The following GARNL3 variants were observed in gnomAD, a reference collection of about 807,000 sequenced individuals.
GARNL3 encodes GTPase-activating Rap/Ran-GAP domain-like protein 3.
Under a neutral mutation model 125.0 loss-of-function variants are expected in GARNL3, and 63 were observed. The observed-to-expected ratio is 0.50, with a 90% CI of 0.41 to 0.62. GARNL3 has a LOEUF of 0.62. Ranked by LOEUF, GARNL3 falls within the 20% of genes least tolerant of loss-of-function variation. The pLI is 0.00. For missense variants in GARNL3, 994 were observed against 1,244.0 expected, an observed-to-expected ratio of 0.80 and a Z score of 3.02; for synonymous variants, 439 against 457.5, an observed-to-expected ratio of 0.96 and a Z score of 0.52.
intron 1 of GARNL3, among the ~76,000 whole-genome samples, chr9:127,287,035 A>C (rs1220666007): frequency 3.3e-5 from 5 of 152,182 alleles, no homozygotes; most frequent in Non-Finnish European, 4.4e-5. Flanking sequence ...GTGGAGAAGG[A>C]AAAAGTGCAT....
intron 1 of GARNL3, among the ~76,000 whole-genome samples, chr9:127,286,982 A>G (rs1247003817): frequency 1.3e-5 from 2 of 152,174 alleles, no homozygotes; most frequent in South Asian, 2.1e-4. Context: ...TGCTGTCTTC[A>G]ACATGAATTT....
chr9:127,319,883 C>G (rs1004779481), intron 5 of GARNL3, among the ~76,000 whole-genome samples: 1 of 152,176 alleles, frequency 6.6e-6, no homozygotes, highest in African/African-American at 2.4e-5. Flanking sequence ...TCAGTATACC[C>G]TCATAGCTGG....
intron 12 of GARNL3, 115 bp downstream of exon 12, chr9:127,338,276 C>A: frequency 1.2e-6 from 1 of 829,728 alleles, no homozygotes; most frequent in Non-Finnish European, 2.0e-6. Flanking sequence ...ATATGAGTGC[C>A]TGCACCTTAC....
At chr9:127,341,523 C>G (rs990065750) in intron 13 of GARNL3, among the ~76,000 whole-genome samples, 7 of 152,168 alleles carry the variant, frequency 4.6e-5, no homozygotes, top group African/African-American at 1.7e-4. Flanking sequence ...GAGGATCAGA[C>G]AGAGAGCAAG....
intron 1 of GARNL3, among the ~76,000 whole-genome samples, chr9:127,233,709 G>A (rs1157372977): frequency 5.3e-5 from 8 of 152,208 alleles, no homozygotes; most frequent in African/African-American, 1.4e-4. Flanking sequence ...GTGCATGGTG[G>A]TTTCCTTATT....
chr9:127,234,811 A>C (rs1564838026), intron 1 of GARNL3, among the ~76,000 whole-genome samples: 1 of 152,196 alleles, frequency 6.6e-6, no homozygotes, highest in Non-Finnish European at 1.5e-5. Context: ...AAGGTGAATA[A>C]GCTCTCTTGG....
At chr9:127,287,323 C>T (rs1292870516) in intron 1 of GARNL3, among the ~76,000 whole-genome samples, 1 of 152,078 alleles carries the variant, frequency 6.6e-6, no homozygotes, top group Non-Finnish European at 1.5e-5. Context: ...TTGTGTCATT[C>T]CTGAGCCAAA....
intron 22 of GARNL3, among the ~76,000 whole-genome samples, chr9:127,377,792 C>CAAAAAA (rs56965235): frequency 1.5e-5 from 1 of 67,490 alleles, no homozygotes; most frequent in Non-Finnish European, 3.1e-5. Flanking sequence ...GACTCCGTCT[C>CAAAAAA]AAAAAAAAAA....
At chr9:127,316,312 C>A (rs2065238780) in intron 4 of GARNL3, among the ~76,000 whole-genome samples, 1 of 151,926 alleles carries the variant, frequency 6.6e-6, no homozygotes, top group South Asian at 2.1e-4. Flanking sequence ...GAGGTCAAGG[C>A]AGAAGGATTG....
intron 7 of GARNL3, among the ~76,000 whole-genome samples, chr9:127,328,763 A>G (rs755727657): frequency 6.6e-6 from 1 of 152,244 alleles, no homozygotes; most frequent in Non-Finnish European, 1.5e-5. Flanking sequence ...CAGAAGAACT[A>G]TAATTCATAG....
intron 1 of GARNL3, among the ~76,000 whole-genome samples, chr9:127,279,024 T>G (rs1159225432): frequency 6.6e-6 from 1 of 152,112 alleles, no homozygotes; most frequent in Non-Finnish European, 1.5e-5. Context: ...AAAGACCCCA[T>G]TTGCAAATAA....
intron 1 of GARNL3, among the ~76,000 whole-genome samples, chr9:127,230,618 A>C (rs2062983288): frequency 6.7e-6 from 1 of 150,014 alleles, no homozygotes. Flanking sequence ...GCACCATTGC[A>C]CTCCAGCCTG....
At chr9:127,365,106 C>G in intron 21 of GARNL3, 194 bp from the exon 22 acceptor site, 9 of 503,344 alleles carry the variant, frequency 1.8e-5, no homozygotes, top group Non-Finnish European at 1.1e-5. Flanking sequence ...TTTTTCTTTT[C>G]TTTTCTTTCT....
chr9:127,329,927 C>T (rs1416748004), intron 7 of GARNL3, among the ~76,000 whole-genome samples: 2 of 152,124 alleles, frequency 1.3e-5, no homozygotes, highest in Admixed American at 1.3e-4. Context: ...TGACCTAGTC[C>T]TTCTTGCTAG....
At chr9:127,391,898 T>C (rs1474872558) in intron 27 of GARNL3, among the ~76,000 whole-genome samples, 2 of 152,128 alleles carry the variant, frequency 1.3e-5, no homozygotes, top group Non-Finnish European at 2.9e-5. Flanking sequence ...TCACACGTGC[T>C]CCAGTGTGGG....
rs59742421 is a variant in GARNL3 at position 127,295,726 on chromosome 9, C to CT, written c.219+4496dup. 1.0e-2 allele frequency among the ~76,000 whole-genome samples: 1,468 copies of CT among 146,896 alleles called. 29 individuals are homozygous for CT. The highest frequency in any genetic ancestry group is 0.083 in the East Asian group (421 of 5,054). On this transcript the variant is annotated intron_variant, in intron 2 of 27. Coordinates refer to ENST00000373387, the MANE Select transcript of GARNL3 (RefSeq NM_032293.5). ...ATCACTCACAGAATTAATGAAAGCA[C>CT]TTTTTTTTTTTTACTATTACTGATA...
At chr9:127,354,106 G>C (rs1412369894) in intron 18 of GARNL3, among the ~76,000 whole-genome samples, 162 bp downstream of exon 18, 3 of 152,112 alleles carry the variant, frequency 2.0e-5, no homozygotes, top group Non-Finnish European at 4.4e-5. Context: ...TTGTTCTCTG[G>C]GGAGGGAAGC....
Position 127,390,775 on chromosome 9 carries a change from G to C in GARNL3, c.2870+8G>C, listed in dbSNP as rs777534038. The C allele has an allele frequency of 1.9e-6, 3 of 1,612,278 alleles. No individual in the cohort carries two copies. Among genetic ancestry groups the C allele is most frequent in the Non-Finnish European group, 2.5e-6 (3 of 1,179,036 alleles). On this transcript the variant is annotated splice_region_variant and intron_variant, in intron 27 of 27. Transcript: ENST00000373387. ...GTCATCTAGCAGTGACAGGTAAAGA[G>C]AGGGAGAGGCCCCTGCTTGGGGTGG...
At chr9:127,379,091 T>TAATC (rs1832104773) in intron 22 of GARNL3, among the ~76,000 whole-genome samples, 2 of 152,228 alleles carry the variant, frequency 1.3e-5, no homozygotes. Flanking sequence ...AGTGATTTAT[T>TAATC]AATCAGGCAG....
Sources: gnomAD v4.1 joint callset for allele counts (sites outside exome capture counted in the v4.1 genomes callset) on GRCh38, gnomAD v4.1.1 for gene constraint, MANE v1.5 for transcripts, NCBI Gene and HGNC (gene_info 2026-07-23, HGNC 2026-07-21) for gene names.